JPH1: variants seen among roughly 807,000 people sequenced by gnomAD.
JPH1 encodes junctophilin-1.
In JPH1, 12 loss-of-function variants were observed where a neutral mutation model predicts 53.6. That is an observed-to-expected ratio of 0.22 (90% CI 0.14 to 0.36). JPH1 has a LOEUF of 0.36. Ranked by LOEUF, JPH1 falls within the 10% of genes least tolerant of loss-of-function variation. The pLI, the probability that JPH1 is intolerant of heterozygous loss-of-function variation, is 1.00. For missense variants in JPH1, 808 were observed against 905.5 expected, an observed-to-expected ratio of 0.89 and a Z score of 1.38; for synonymous variants, 375 against 363.8, an observed-to-expected ratio of 1.03 and a Z score of -0.35.
At chr8:74,282,632 A>G (rs11985808) in intron 2 of JPH1, among the ~76,000 whole-genome samples, 55,194 of 152,058 alleles carry the variant, frequency 0.36, 10,239 homozygotes, top group South Asian at 0.49. Context: ...GTAGAGAGTA[A>G]AATAGTGGTT....
chr8:74,315,023 T>C lies in JPH1; in HGVS notation c.977A>G (p.Lys326Arg). The change falls in exon 2 of 6, where the codon AAA becomes AGA. Residue 326 changes from lysine (K) to arginine (R), a missense_variant. Physicochemically the swap from Lys to Arg is conservative, Grantham distance 26 (BLOSUM62 2). Transcript: ENST00000342232. This position sits in a 1 kb window ranked among gnomAD's most constrained non-coding sequence, Gnocchi z 6.3. ...ATTATTTTTGTATTTTCCCTCTTCT[T>C]TGGAGCCGTCAGGAAACACGGTACA... ...YGCTVFPDGS[K>R]EEGKYKNNIL... 6.2e-7 allele frequency: 1 copy of C among 1,614,232 alleles called. No homozygotes were observed. Among genetic ancestry groups the C allele is most frequent in the Non-Finnish European group, 8.5e-7 (1 of 1,180,048 alleles).
chr8:74,259,462 G>A lies in JPH1; in HGVS notation c.1181C>T (p.Ala394Val). ...GCACTCCTGGCGAGCGGCCAGCGCGGCCTGGTCGGCGGCATCGGCCTTCGC... is the reference window on the plus strand; with the variant it reads ...GCACTCCTGGCGAGCGGCCAGCGCGACCTGGTCGGCGGCATCGGCCTTCGC... ...ARAKADAADQAALAARQECDI... is the reference protein window; with the variant it reads ...ARAKADAADQVALAARQECDI... Residue 394 changes from alanine to valine, a missense_variant, in exon 3 of 6, where the codon GCC becomes GTC. Physicochemically the swap from Ala to Val is moderately conservative, Grantham distance 64. Transcript: ENST00000342232. 3 of 1,613,048 alleles carry A rather than the reference G, an allele frequency of 1.9e-6. No homozygotes were observed. The highest frequency in any genetic ancestry group is 2.5e-6 in the Non-Finnish European group (3 of 1,179,408).
rs141651210 is a variant in JPH1, at chr8:74,286,311, CATTT to C, written c.1140-26812_1140-26809del. Among the ~76,000 whole-genome samples, 1,522 of 152,222 alleles carry C rather than the reference CATTT, an allele frequency of 1.0e-2. 35 individuals carry two copies. Among genetic ancestry groups the C allele is most frequent in the African/African-American group, 0.035 (1,463 of 41,528 alleles). On this transcript the variant is annotated intron_variant, in intron 2 of 5. Transcript: ENST00000342232. ...TTATAATTGACATAATGATTGTACA[CATTT>C]ATGGGGTACAGTGTGATGTTTCAAT...
chr8:74,242,206 G>A (rs1805716171), intron 4 of JPH1, among the ~76,000 whole-genome samples: 1 of 152,220 alleles, frequency 6.6e-6, no homozygotes, highest in Admixed American at 6.5e-5. Flanking sequence ...GGGTGATCCT[G>A]AGGATGGATC....
At chr8:74,305,878 A>T (rs953481346) in intron 2 of JPH1, among the ~76,000 whole-genome samples, 1 of 152,236 alleles carries the variant, frequency 6.6e-6, no homozygotes, top group African/African-American at 2.4e-5. Context: ...TTATGGCCTA[A>T]GACTAATTTT....
chr8:74,237,841 A>T (rs1295164156), intron 4 of JPH1, among the ~76,000 whole-genome samples: 2 of 152,214 alleles, frequency 1.3e-5, no homozygotes, highest in African/African-American at 4.8e-5. Flanking sequence ...AAAAGCTGTA[A>T]GTGAGAAGTT....
At position 74,320,009 on chromosome 8, in the gene JPH1, C is replaced by G. The variant is rs1053783865; in HGVS notation, c.379+900G>C. The stretch of plus-strand genomic sequence containing the variant: ...TTGTTAAATATTAAAATAAGGTGAT[C>G]TTTGTTCACAGCCAGGAATACTGGC... On this transcript the variant is annotated intron_variant, in intron 1 of 5. Transcript: ENST00000342232. The surrounding 1 kb of genome is among the most constrained non-coding windows in gnomAD (Gnocchi z 4.4). Among the ~76,000 whole-genome samples the G allele has an allele frequency of 9.2e-5, 14 of 152,272 alleles. No homozygotes were observed. Among genetic ancestry groups the G allele is most frequent in the African/African-American group, 2.9e-4 (12 of 41,552 alleles).
In JPH1 at chr8:74,321,322, C is replaced by G; in HGVS notation, c.-35G>C. The stretch of plus-strand genomic sequence containing the variant: ...AGCCCCGGCGCGCTCCCCGCAGGGG[C>G]ACGGACGCGGGCAGTGCTGGGCACG... On this transcript the variant is annotated 5_prime_UTR_variant, in exon 1 of 6. Coordinates refer to ENST00000342232, the MANE Select transcript of JPH1 (RefSeq NM_020647.4). This position sits in a 1 kb window ranked among gnomAD's most constrained non-coding sequence, Gnocchi z 4.3. 1 of 1,498,454 alleles carries G rather than the reference C, an allele frequency of 6.7e-7. No homozygotes were observed. Among genetic ancestry groups the G allele is most frequent in the Non-Finnish European group, 8.9e-7 (1 of 1,123,364 alleles). 92.8% of individuals were successfully genotyped at this position (1,498,454 alleles called of 1,614,324 possible).
chr8:74,304,398 A>G (rs1366993682), intron 2 of JPH1, among the ~76,000 whole-genome samples: 4 of 152,168 alleles, frequency 2.6e-5, no homozygotes, highest in Non-Finnish European at 4.4e-5. Flanking sequence ...CTGATTTTCA[A>G]ATCATTTGGC....
chr8:74,258,428 A>C (rs1486063107), intron 3 of JPH1, among the ~76,000 whole-genome samples: 1 of 152,250 alleles, frequency 6.6e-6, no homozygotes, highest in Non-Finnish European at 1.5e-5. Context: ...ACTACTAGAA[A>C]GTGAATTAAG....
At chr8:74,265,156 T>G (rs1586744850) in intron 2 of JPH1, among the ~76,000 whole-genome samples, 4 of 152,188 alleles carry the variant, frequency 2.6e-5, no homozygotes. Flanking sequence ...ATTCCTGGAT[T>G]AATAAGCTCT....
chr8:74,316,946 T>C (rs926366946), intron 1 of JPH1, among the ~76,000 whole-genome samples: 1 of 152,252 alleles, frequency 6.6e-6, no homozygotes, highest in African/African-American at 2.4e-5. Flanking sequence ...TAATTACTTC[T>C]GTGTTATTCA....
chr8:74,306,391 G>T (rs1013428015), intron 2 of JPH1, among the ~76,000 whole-genome samples: 1 of 152,118 alleles, frequency 6.6e-6, no homozygotes, highest in Non-Finnish European at 1.5e-5. Context: ...AAAATGTGAC[G>T]AAGTTAGACT....
intron 2 of JPH1, among the ~76,000 whole-genome samples, chr8:74,274,021 A>G (rs2131410249): frequency 6.6e-6 from 1 of 152,288 alleles, no homozygotes; most frequent in East Asian, 1.9e-4. Flanking sequence ...AATTCTGGAC[A>G]AGTTGTGGTA....
At position 74,244,805 on chromosome 8, in the gene JPH1, G is replaced by T; in HGVS notation, c.1629C>A (p.Asn543Lys). Residue 543 changes from asparagine (N) to lysine (K), a missense_variant, in exon 4 of 6, where the codon AAC becomes AAA. By Grantham distance (94) the Asn-to-Lys change is moderately conservative. Around this residue, in one of 2 missense-constraint regions of JPH1, gnomAD observed 756 missense variants for 811.9 expected, o/e 0.93. Coordinates refer to ENST00000342232, the MANE Select transcript of JPH1 (RefSeq NM_020647.4). The stretch of plus-strand genomic sequence containing the variant: ...CGTGATACTGAGAATGCAGCTCCCC[G>T]TTACTGGGGTTGGGGATGTGGTGGC... ...SGRHHIPNPS[N>K]GELHSQYHGY... 6.2e-7 allele frequency: 1 copy of T among 1,614,168 alleles called. No homozygotes were observed.
chr8:74,234,717 T>A lies in JPH1; in HGVS notation c.*2334A>T, dbSNP rs1806949376. The A allele has an allele frequency of 6.6e-6, 1 of 152,590 alleles. No individual in the cohort carries two copies. Among genetic ancestry groups the A allele is most frequent in the African/African-American group, 2.4e-5 (1 of 41,448 alleles). 9.5% of individuals were successfully genotyped at this position (152,590 alleles called of 1,614,324 possible). On this transcript the variant is annotated 3_prime_UTR_variant, in exon 6 of 6. Transcript: ENST00000342232. ...CCTCCAACTTCATTAATAACCAACTTTTTTTTATTAGAGCAGATACAGTTG... is the reference window on the plus strand; with the variant it reads ...CCTCCAACTTCATTAATAACCAACTATTTTTTATTAGAGCAGATACAGTTG...
chr8:74,304,881 A>T (rs57004418), intron 2 of JPH1, among the ~76,000 whole-genome samples: 1 of 152,014 alleles, frequency 6.6e-6, no homozygotes, highest in South Asian at 2.1e-4. Context: ...GTCCTAAGAA[A>T]ATTGACTTCA....
At chr8:74,256,867 C>G (rs537810049) in intron 3 of JPH1, among the ~76,000 whole-genome samples, 7 of 152,312 alleles carry the variant, frequency 4.6e-5, no homozygotes, top group African/African-American at 1.7e-4. Flanking sequence ...TGGAAGCGTT[C>G]AACATGTAAG....
At chr8:74,240,251 T>C (rs1449230109) in intron 4 of JPH1, among the ~76,000 whole-genome samples, 3 of 152,220 alleles carry the variant, frequency 2.0e-5, no homozygotes, top group African/African-American at 7.2e-5. Context: ...GGATTACAGG[T>C]GTGGGCTACC....
Sources: gnomAD v4.1 joint callset for allele counts (sites outside exome capture counted in the v4.1 genomes callset) on GRCh38, gnomAD v4.1.1 for gene constraint, gnomAD v4.1.1 regional missense constraint, Gnocchi (gnomAD v3.1) non-coding constraint, MANE v1.5 for transcripts, NCBI Gene and HGNC (gene_info 2026-07-23, HGNC 2026-07-21) for gene names.